The following ZNF706 variants were observed in gnomAD, a reference collection of about 807,000 sequenced individuals.
ZNF706 encodes transcriptional regulator ZNF706.
ZNF706 carries 4 observed loss-of-function variants against 9.2 expected under a neutral mutation model. The ratio of observed to expected loss-of-function variants is 0.43; its 90% CI spans 0.21 to 0.99. The LOEUF is 0.99. Ranked by LOEUF, ZNF706 falls within the 50% of genes least tolerant of loss-of-function variation. The probability of loss-of-function intolerance (pLI) is 0.26; values close to 1 mark genes in which losing one functional copy is unlikely to be tolerated. For missense variants in ZNF706, 27 were observed against 87.8 expected (o/e 0.31, Z 2.77); for synonymous variants, 28 against 27.3 (o/e 1.03, Z -0.08).
intron 1 of ZNF706, chr8:101,204,945 C>A (rs1810697723): frequency 1.0e-6 from 1 of 985,532 alleles, no homozygotes; most frequent in Non-Finnish European, 1.2e-6. Context: ...GGAACGCACC[C>A]ACAGTGAGGT....
chr8:101,204,623 G>A (rs1810684300), intron 1 of ZNF706: 3 of 985,262 alleles, frequency 3.0e-6, no homozygotes, highest in Non-Finnish European at 3.6e-6. Context: ...ACAAACTGGA[G>A]GGAAAAAGTC....
chr8:101,201,522 A>G lies in ZNF706; in HGVS notation c.135+85T>C. 2 of 1,244,794 alleles carry G rather than the reference A, an allele frequency of 1.6e-6. No homozygotes were observed. The highest frequency in any genetic ancestry group is 2.2e-6 in the Non-Finnish European group (2 of 890,122). 77.1% of individuals were successfully genotyped at this position (1,244,794 alleles called of 1,614,324 possible). ...ACCTACTATTTCATGTAAAGCATCT[A>G]TTTTGCCATGGTTTCAAAATTTTAA... On this transcript the variant is annotated intron_variant, in intron 2 of 3. Transcript: ENST00000311212. The surrounding 1 kb of genome is among the most constrained non-coding windows in gnomAD (Gnocchi z 4.5).
rs1419613872 is a variant in ZNF706 at position 101,198,815 on chromosome 8, TGAGCA to T, written c.*432_*436del. 1.3e-5 allele frequency: 2 copies of T among 159,564 alleles called. No homozygotes were observed. The highest frequency in any genetic ancestry group is 2.7e-5 in the Non-Finnish European group (2 of 72,792). 9.9% of individuals were successfully genotyped at this position (159,564 alleles called of 1,614,324 possible). On this transcript the variant is annotated 3_prime_UTR_variant, in exon 4 of 4. Transcript: ENST00000311212. ...CTAGTTTAACTGAGGAACCTGCCAC[TGAGCA>T]GAGAAAGGGATATAAGAATTGCACT...
intron 3 of ZNF706, among the ~76,000 whole-genome samples, chr8:101,199,594 G>A (rs746398252): frequency 5.3e-5 from 8 of 151,976 alleles, no homozygotes; most frequent in Non-Finnish European, 8.8e-5. Context: ...TAGGTTGGGG[G>A]AGAAAAAAAA....
rs1586266670 is a variant in ZNF706 at position 101,201,499 on chromosome 8, C to T, written c.135+108G>A. 3 of 1,003,476 alleles carry T rather than the reference C, an allele frequency of 3.0e-6. No individual in the cohort carries two copies. Among genetic ancestry groups the T allele is most frequent in the Non-Finnish European group, 4.4e-6 (3 of 688,884 alleles). 62.2% of individuals were successfully genotyped at this position (1,003,476 alleles called of 1,614,324 possible). ...TACCTAAAATAATCAGCTCTCAAAC[C>T]TACTATTTCATGTAAAGCATCTATT... On this transcript the variant is annotated intron_variant, in intron 2 of 3. Coordinates refer to ENST00000311212, the MANE Select transcript of ZNF706 (RefSeq NM_016096.5). The surrounding 1 kb of genome is among the most constrained non-coding windows in gnomAD (Gnocchi z 4.5).
chr8:101,202,950 AACT>A (rs757903826), intron 1 of ZNF706: 12 of 152,196 alleles, frequency 7.9e-5, no homozygotes, highest in African/African-American at 1.4e-4. Flanking sequence ...GTTTTCATAA[AACT>A]ACTGTTATTA....
rs1173349406 is a variant in ZNF706, at chr8:101,205,313, G to GCC, written c.-3+120_-3+121dup. 1.3e-5 allele frequency: 2 copies of GCC among 150,938 alleles called. No individual in the cohort carries two copies. The highest frequency in any genetic ancestry group is 4.9e-5 in the African/African-American group (2 of 41,188). The allele number at this position is 150,938 out of a possible 1,614,324, so 9.3% of individuals were successfully genotyped here. ...GGCCCGCCCCGGGCCGGGCCCTGCC[G>GCC]CCCCCCGCGACCCCTCGCGACCCGC... On this transcript the variant is annotated intron_variant, in intron 1 of 3. Coordinates refer to ENST00000311212, the MANE Select transcript of ZNF706 (RefSeq NM_016096.5). This position sits in a 1 kb window ranked among gnomAD's most constrained non-coding sequence, Gnocchi z 6.6.
intron 3 of ZNF706, 139 bp downstream of exon 3, chr8:101,199,849 CTT>C: frequency 1.6e-6 from 1 of 615,422 alleles, no homozygotes; most frequent in Non-Finnish European, 2.8e-6. Flanking sequence ...GAAAAAGGGA[CTT>C]TTCAGTTACA....
chr8:101,202,284 C>CAAAAAAAAAAAAAAAAAAAAA (rs35732775), intron 1 of ZNF706: 1 of 81,626 alleles, frequency 1.2e-5, no homozygotes, highest in Non-Finnish European at 2.2e-5. Context: ...ACTAAAAATA[C>CAAAAAAAAAAAAAAAAAAAAA]AAAAAAAAAA....
At position 101,205,269 on chromosome 8, in the gene ZNF706, G is replaced by C. The variant is rs1211750870; in HGVS notation, c.-3+166C>G. On this transcript the variant is annotated intron_variant, in intron 1 of 3. Coordinates refer to ENST00000311212, the MANE Select transcript of ZNF706 (RefSeq NM_016096.5). The surrounding 1 kb of genome is among the most constrained non-coding windows in gnomAD (Gnocchi z 6.6). ...CACCTGCAGGGCCTGGCAGGCGCCC[G>C]AACTCATCCCCTTCCCGCGGCCCGC... is the stretch of plus-strand genomic sequence containing the variant. 6.6e-6 allele frequency: 1 copy of C among 151,764 alleles called. No homozygotes were observed. Among genetic ancestry groups the C allele is most frequent in the Non-Finnish European group, 1.5e-5 (1 of 67,940 alleles). The allele number at this position is 151,764 out of a possible 1,614,324, so 9.4% of individuals were successfully genotyped here.
Position 101,199,079 on chromosome 8 carries a change from A to C in ZNF706, c.*173T>G. ...AAATCAGAGTCAACTGTACATTTAC[A>C]CAGAATTGTCTTTGCATGAAGCCCA... On this transcript the variant is annotated 3_prime_UTR_variant, in exon 4 of 4. Coordinates refer to ENST00000311212, the MANE Select transcript of ZNF706 (RefSeq NM_016096.5). 2.0e-6 allele frequency: 1 copy of C among 506,482 alleles called. No homozygotes were observed. Among genetic ancestry groups the C allele is most frequent in the Non-Finnish European group, 3.5e-6 (1 of 284,000 alleles). The allele number at this position is 506,482 out of a possible 1,614,324, so 31.4% of individuals were successfully genotyped here.
intron 1 of ZNF706, chr8:101,204,792 A>G (rs1294821164): frequency 7.1e-6 from 7 of 985,480 alleles, no homozygotes; most frequent in Admixed American, 6.1e-5. Context: ...TTTAAAACCA[A>G]CATAAATGAG....
In ZNF706 at chr8:101,201,851, T is replaced by A; in HGVS notation, c.-2-108A>T. On this transcript the variant is annotated intron_variant, in intron 1 of 3. Transcript: ENST00000311212. The surrounding 1 kb of genome is among the most constrained non-coding windows in gnomAD (Gnocchi z 4.5). Reference sequence around the variant, plus strand: ...AAGCCTTAAGTTTTATAGAAATATCTGGCAAATAAAAATTTATAGGTATTA... The same window carrying A: ...AAGCCTTAAGTTTTATAGAAATATCAGGCAAATAAAAATTTATAGGTATTA... 8.4e-7 allele frequency: 1 copy of A among 1,196,872 alleles called. No homozygotes were observed. Among genetic ancestry groups the A allele is most frequent in the Non-Finnish European group, 1.2e-6 (1 of 866,480 alleles). The allele number at this position is 1,196,872 out of a possible 1,614,324, so 74.1% of individuals were successfully genotyped here.
Position 101,205,459 on chromosome 8 carries a change from G to A in ZNF706, c.-27C>T, listed in dbSNP as rs62515544. 0.012 allele frequency: 1,822 copies of A among 152,762 alleles called. 16 individuals are homozygous for A. The highest frequency in any genetic ancestry group is 0.018 in the Non-Finnish European group (1,212 of 68,216). The allele number at this position is 152,762 out of a possible 1,614,324, so 9.5% of individuals were successfully genotyped here. A position where few individuals can be genotyped will look rare whatever the true frequency, so the allele number is the denominator to read the frequency against. On this transcript the variant is annotated 5_prime_UTR_variant, in exon 1 of 4. Transcript: ENST00000311212. This position sits in a 1 kb window ranked among gnomAD's most constrained non-coding sequence, Gnocchi z 6.6. ...CCCGGGCCGGGACAGTCTTGCGTCG[G>A]AGAGACAGTGCAGCGCGAGAGGGCC...
rs1435586413 is a variant in ZNF706, at chr8:101,201,379, G to T, written c.135+228C>A. The stretch of plus-strand genomic sequence containing the variant: ...TATTTTATATGAGGAAAGCAATTTT[G>T]TTTTGTTCACTCTGTTTTCCCAGCA... On this transcript the variant is annotated intron_variant, in intron 2 of 3. Transcript: ENST00000311212. The surrounding 1 kb of genome is among the most constrained non-coding windows in gnomAD (Gnocchi z 4.5). 1.8e-5 allele frequency: 9 copies of T among 505,338 alleles called. 1 individual carries two copies. Among genetic ancestry groups the T allele is most frequent in the Non-Finnish European group, 1.4e-5 (4 of 288,270 alleles). The allele number at this position is 505,338 out of a possible 1,614,324, so 31.3% of individuals were successfully genotyped here. A position where few individuals can be genotyped will look rare whatever the true frequency, so the allele number is the denominator to read the frequency against.
Position 101,205,575 on chromosome 8 carries a change from G to A in ZNF706, c.-143C>T, listed in dbSNP as rs531316328. The A allele has an allele frequency of 9.4e-4, 153 of 163,510 alleles. 5 individuals carry two copies. The South Asian group carries it at 0.024, about 26-fold the overall frequency. 10.1% of individuals were successfully genotyped at this position (163,510 alleles called of 1,614,324 possible). A position where few individuals can be genotyped will look rare whatever the true frequency, so the allele number is the denominator to read the frequency against. On this transcript the variant is annotated 5_prime_UTR_variant, in exon 1 of 4. Transcript: ENST00000311212. This position sits in a 1 kb window ranked among gnomAD's most constrained non-coding sequence, Gnocchi z 6.6. Reference sequence around the variant, plus strand: ...GCTCAGGAGGGGAAACACGAGAGCCGGGAGCACAACAGCCTCGCACGCCCG... The same window carrying A: ...GCTCAGGAGGGGAAACACGAGAGCCAGGAGCACAACAGCCTCGCACGCCCG...
chr8:101,199,848 A>C (rs1810495709), intron 3 of ZNF706, 142 bp downstream of exon 3: 1 of 609,336 alleles, frequency 1.6e-6, no homozygotes, highest in Non-Finnish European at 2.8e-6. Flanking sequence ...AGAAAAAGGG[A>C]CTTTTCAGTT....
chr8:101,200,874 G>GAGGC (rs1490696557), intron 2 of ZNF706: 1 of 159,332 alleles, frequency 6.3e-6, no homozygotes, highest in Non-Finnish European at 1.4e-5. Flanking sequence ...ACTTCTTTGA[G>GAGGC]AGGCAGTACA....
chr8:101,202,825 C>T (rs1810611426), intron 1 of ZNF706: 1 of 152,166 alleles, frequency 6.6e-6, no homozygotes, highest in African/African-American at 2.4e-5. Flanking sequence ...TTTCCCTTCC[C>T]AGTATTCATT....
Sources: gnomAD v4.1 joint callset for allele counts (sites outside exome capture counted in the v4.1 genomes callset) on GRCh38, gnomAD v4.1.1 for gene constraint, Gnocchi (gnomAD v3.1) non-coding constraint, MANE v1.5 for transcripts, NCBI Gene and HGNC (gene_info 2026-07-23, HGNC 2026-07-21) for gene names.